Variants in SHTN1 observed in about 807,000 individuals in gnomAD.
The protein encoded by SHTN1 is shootin 1.
Under a neutral mutation model 83.1 loss-of-function variants are expected in SHTN1, and 42 were observed. The ratio of observed to expected loss-of-function variants is 0.51; its 90% CI spans 0.39 to 0.65. The LOEUF is 0.65. Ranked by LOEUF, SHTN1 falls within the 30% of genes least tolerant of loss-of-function variation. The pLI, the probability that SHTN1 is intolerant of heterozygous loss-of-function variation, is 0.00. For synonymous variants in SHTN1, 224 were observed against 247.7 expected, an observed-to-expected ratio of 0.90 and a Z score of 0.90; for missense variants, 622 against 737.8, an observed-to-expected ratio of 0.84 and a Z score of 1.82.
chr10:117,093,800 G>A (rs185141035), intron 1 of SHTN1, among the ~76,000 whole-genome samples: 2 of 152,164 alleles, frequency 1.3e-5, no homozygotes, highest in African/African-American at 2.4e-5. Flanking sequence ...GTAAAGAAGG[G>A]ATACAGGAAG....
intron 1 of SHTN1, among the ~76,000 whole-genome samples, chr10:117,060,979 A>G (rs1852891036): frequency 6.6e-6 from 1 of 152,186 alleles, no homozygotes; most frequent in Non-Finnish European, 1.5e-5. Flanking sequence ...GTAACAATTA[A>G]TGCTGAACTA....
At chr10:117,037,755 C>T in intron 2 of SHTN1, among the ~76,000 whole-genome samples, 1 of 152,080 alleles carries the variant, frequency 6.6e-6, no homozygotes, top group East Asian at 1.9e-4. Context: ...CATCTGCAAT[C>T]CCAGCACTTT....
intron 2 of SHTN1, among the ~76,000 whole-genome samples, chr10:117,022,222 TTGAA>T (rs1226137818): frequency 3.3e-5 from 5 of 152,166 alleles, no homozygotes; most frequent in Non-Finnish European, 5.9e-5. Context: ...ATACAACACT[TTGAA>T]TGAATATTTT....
At chr10:116,974,359 A>T (rs1850717388) in intron 2 of SHTN1, among the ~76,000 whole-genome samples, 1 of 152,230 alleles carries the variant, frequency 6.6e-6, no homozygotes, top group African/African-American at 2.4e-5. Context: ...AGTTAGCATA[A>T]TGGATGCATA....
chr10:117,102,055 A>G (rs1474967562), intron 1 of SHTN1, among the ~76,000 whole-genome samples: 1 of 151,690 alleles, frequency 6.6e-6, no homozygotes, highest in African/African-American at 2.4e-5. Flanking sequence ...TCAAAAAGAA[A>G]CTTTGTTCTT....
Position 117,097,788 on chromosome 10 carries a change from G to A in SHTN1, c.-189+28519C>T, listed in dbSNP as rs930779754. Among the ~76,000 whole-genome samples, 23 of 152,034 alleles carry A rather than the reference G, an allele frequency of 1.5e-4. 1 individual carries two copies. The highest frequency in any genetic ancestry group is 4.6e-4 in the African/African-American group (19 of 41,388). On this transcript the variant is annotated intron_variant, in intron 1 of 17. Coordinates refer to the SHTN1 transcript ENST00000392901. The stretch of plus-strand genomic sequence containing the variant: ...ATCTTTAACACCATAATTATTAAGC[G>A]ATTCCAACTGCATCTCTATTTAAGA...
chr10:116,944,616 C>T (rs566807312), intron 8 of SHTN1, among the ~76,000 whole-genome samples: 3 of 152,188 alleles, frequency 2.0e-5, no homozygotes, highest in South Asian at 4.2e-4. Flanking sequence ...AAGGTTTTTA[C>T]GGCTGGGCAC....
rs138319303 is a variant in SHTN1 at position 117,059,849 on chromosome 10, T to C, written c.-188-11339A>G. ...TGAGGGAAACTGGCTAAAGGATACA[T>C]AGAATCTCTCTGTATTATCTTTTGC... On this transcript the variant is annotated intron_variant, in intron 1 of 17. Transcript: ENST00000392901. Among the ~76,000 whole-genome samples the C allele has an allele frequency of 4.7e-3, 710 of 152,320 alleles. 1 individual carries two copies. The highest frequency in any genetic ancestry group is 8.4e-3 in the Admixed American group (129 of 15,302).
At chr10:116,920,490 C>T (rs557763279) in intron 12 of SHTN1, among the ~76,000 whole-genome samples, 5 of 152,302 alleles carry the variant, frequency 3.3e-5, no homozygotes, top group South Asian at 4.2e-4. Context: ...TGTCTCTCTA[C>T]CCCTGCTGCT....
intron 8 of SHTN1, among the ~76,000 whole-genome samples, 179 bp from the exon 9 acceptor site, chr10:116,940,791 A>C (rs1849340505): frequency 6.6e-6 from 1 of 152,152 alleles, no homozygotes; most frequent in African/African-American, 2.4e-5. Flanking sequence ...ATAATCTTTA[A>C]TACCTTTACT....
intron 2 of SHTN1, among the ~76,000 whole-genome samples, chr10:116,976,977 G>C (rs965469724): frequency 2.6e-5 from 4 of 152,198 alleles, no homozygotes; most frequent in Non-Finnish European, 5.9e-5. Context: ...ACTCTATGCA[G>C]TGAAACATGT....
chr10:117,049,911 G>T (rs369661873), intron 1 of SHTN1, among the ~76,000 whole-genome samples: 135 of 152,028 alleles, frequency 8.9e-4, no homozygotes, highest in African/African-American at 3.0e-3. Context: ...TTAGAAAATA[G>T]GAAAGGTCTG....
chr10:117,089,417 T>G (rs1007355877), intron 1 of SHTN1, among the ~76,000 whole-genome samples: 1 of 152,186 alleles, frequency 6.6e-6, no homozygotes, highest in African/African-American at 2.4e-5. Flanking sequence ...AATCACCATT[T>G]AACTTACAAC....
At chr10:117,021,961 G>A (rs914406036) in intron 2 of SHTN1, among the ~76,000 whole-genome samples, 9 of 152,082 alleles carry the variant, frequency 5.9e-5, no homozygotes, top group African/African-American at 1.2e-4. Flanking sequence ...AAAGTAAAGC[G>A]GATTACCCTC....
In SHTN1 at chr10:116,890,127, A is replaced by C. The variant is rs376901006; in HGVS notation, c.1674-3561T>G. Reference sequence around the variant, plus strand: ...GAAATCCCAGAAGCTCAAATGCAACACTTCAATGGGAATTGTAATATACTG... The same window carrying C: ...GAAATCCCAGAAGCTCAAATGCAACCCTTCAATGGGAATTGTAATATACTG... On this transcript the variant is annotated intron_variant, in intron 16 of 16. Coordinates refer to ENST00000355371, the MANE Select transcript of SHTN1 (RefSeq NM_001127211.3). Among the ~76,000 whole-genome samples the C allele has an allele frequency of 6.1e-4, 92 of 151,430 alleles. 4 individuals carry two copies. The South Asian group carries it at 0.019, about 31-fold the overall frequency.
chr10:117,034,563 C>G (rs1450975791), intron 2 of SHTN1, among the ~76,000 whole-genome samples: 1 of 151,964 alleles, frequency 6.6e-6, no homozygotes, highest in Admixed American at 6.6e-5. Flanking sequence ...ATCGCTTGAA[C>G]CTGGGAGGTG....
intron 1 of SHTN1, among the ~76,000 whole-genome samples, chr10:117,116,302 T>C (rs1047531447): frequency 2.6e-5 from 4 of 151,864 alleles, no homozygotes; most frequent in African/African-American, 9.7e-5. Flanking sequence ...TGTCAACAAA[T>C]TGGGAAACCT....
intron 9 of SHTN1, among the ~76,000 whole-genome samples, chr10:116,937,139 T>A (rs908122492): frequency 6.6e-6 from 1 of 152,236 alleles, no homozygotes; most frequent in East Asian, 1.9e-4. Flanking sequence ...TGTCTTTTAA[T>A]TGGGGGCATT....
intron 2 of SHTN1, among the ~76,000 whole-genome samples, chr10:117,045,362 C>T (rs1037092055): frequency 6.6e-6 from 1 of 152,182 alleles, no homozygotes; most frequent in Admixed American, 6.6e-5. Flanking sequence ...ATAAAGGTCA[C>T]AGCCCAGAGG....
Sources: allele counts gnomAD v4.1 joint callset (sites outside exome capture counted in the v4.1 genomes callset), GRCh38; gene constraint gnomAD v4.1.1; transcripts MANE v1.5; gene names NCBI Gene and HGNC (gene_info 2026-07-23, HGNC 2026-07-21).